The following CXADR variants were observed in gnomAD, a reference collection of about 807,000 sequenced individuals.
CXADR encodes coxsackievirus and adenovirus receptor.
In CXADR, 20 loss-of-function variants were observed where a neutral mutation model predicts 40.3. That is an observed-to-expected ratio of 0.50 (90% CI 0.35 to 0.72). CXADR has a LOEUF of 0.72. Among genes scored for constraint, CXADR ranks in the 30% least tolerant of loss-of-function variants. CXADR has a pLI of 0.01. For missense variants in CXADR, 332 were observed against 449.1 expected, an observed-to-expected ratio of 0.74 and a Z score of 2.36; for synonymous variants, 150 against 161.3, an observed-to-expected ratio of 0.93 and a Z score of 0.53.
intron 3 of CXADR, among the ~76,000 whole-genome samples, chr21:17,553,967 C>T (rs2061002566): frequency 6.6e-6 from 1 of 152,198 alleles, no homozygotes; most frequent in African/African-American, 2.4e-5. Flanking sequence ...GATTATAACC[C>T]TGACTATACT....
chr21:17,602,869 ATT>A, the CXADR span, among the ~76,000 whole-genome samples: 3 of 152,340 alleles, frequency 2.0e-5, no homozygotes, highest in Admixed American at 6.5e-5. Flanking sequence ...TGTTTATATA[ATT>A]ATGTAACTTG....
At chr21:17,517,734 A>G (rs116522544) in intron 1 of CXADR, among the ~76,000 whole-genome samples, 5,040 of 152,266 alleles carry the variant, frequency 0.033, 292 homozygotes, top group African/African-American at 0.11. Context: ...AAAAGGTGGG[A>G]TTAGGCACTC....
At chr21:17,563,353 G>C (rs112661495) in intron 6 of CXADR, among the ~76,000 whole-genome samples, 2,083 of 152,114 alleles carry the variant, frequency 0.014, 44 homozygotes, top group African/African-American at 0.045. Flanking sequence ...GGTCATTGTA[G>C]GGTTATTAAG....
the CXADR span, among the ~76,000 whole-genome samples, chr21:17,608,493 T>C: frequency 6.6e-6 from 1 of 152,074 alleles, no homozygotes; most frequent in South Asian, 2.1e-4. Context: ...AATATATAAA[T>C]GAGATTATTC....
the CXADR span, among the ~76,000 whole-genome samples, chr21:17,617,609 T>A: frequency 6.6e-6 from 1 of 152,254 alleles, no homozygotes; most frequent in African/African-American, 2.4e-5. Flanking sequence ...ATGTTTACAC[T>A]ATTTGTAGTC....
downstream of CXADR, chr21:17,593,995 AACT>A: frequency 7.1e-7 from 1 of 1,408,980 alleles, no homozygotes; most frequent in Non-Finnish European, 9.5e-7. Flanking sequence ...TGGCCCATCT[AACT>A]TCACTACTAT....
rs866773070 is a variant in CXADR, at chr21:17,528,074, T to C, written c.43+14902T>C. ...TCCTTATGCTTAGTTCTTTCTTTTT[T>C]TTTTTTTTTTTTTTTTTGAGACAGA... On this transcript the variant is annotated intron_variant, in intron 1 of 6. Coordinates refer to ENST00000284878, the MANE Select transcript of CXADR (RefSeq NM_001338.5). 5.3e-3 allele frequency among the ~76,000 whole-genome samples: 715 copies of C among 135,814 alleles called. 22 individuals are homozygous for C. In the East Asian group the frequency reaches 0.1, roughly 19 times the overall value. 89.1% of individuals were successfully genotyped at this position (135,814 alleles called of 152,430 possible).
intron 1 of CXADR, among the ~76,000 whole-genome samples, chr21:17,522,877 C>T (rs1376873306): frequency 6.6e-6 from 1 of 152,210 alleles, no homozygotes; most frequent in East Asian, 1.9e-4. Flanking sequence ...ACACACTTCC[C>T]ACAGGCATCT....
intron 3 of CXADR, among the ~76,000 whole-genome samples, chr21:17,556,510 A>G (rs370278069): frequency 7.2e-5 from 11 of 152,216 alleles, no homozygotes; most frequent in African/African-American, 2.7e-4. Flanking sequence ...TTAGAATACC[A>G]TATTACCCAT....
the CXADR span, chr21:17,604,236 T>C: frequency 7.3e-6 from 4 of 546,574 alleles, no homozygotes; most frequent in Admixed American, 4.2e-5. Flanking sequence ...AGGTCAGGAG[T>C]TTGAGAGCAG....
At chr21:17,611,224 A>G in the CXADR span, among the ~76,000 whole-genome samples, 1 of 152,198 alleles carries the variant, frequency 6.6e-6, no homozygotes, top group Non-Finnish European at 1.5e-5. Flanking sequence ...CGGGTTGGGA[A>G]GAAAGTTTTG....
downstream of CXADR, among the ~76,000 whole-genome samples, chr21:17,570,341 C>T (rs1569144964): frequency 6.6e-6 from 1 of 152,144 alleles, no homozygotes; most frequent in Non-Finnish European, 1.5e-5. Flanking sequence ...GGGGTTGAAA[C>T]CTCCAACGTT....
chr21:17,552,190 A>G (rs1485032483), intron 3 of CXADR, among the ~76,000 whole-genome samples: 1 of 152,240 alleles, frequency 6.6e-6, no homozygotes, highest in African/African-American at 2.4e-5. Context: ...AAAATAAGTG[A>G]ACGAGTATTA....
Position 17,567,163 on chromosome 21 carries a change from C to A in CXADR, c.*1471C>A. The A allele has an allele frequency of 1.0e-6, 1 of 984,768 alleles. No homozygotes were observed. Among genetic ancestry groups the A allele is most frequent in the African/African-American group, 1.7e-5 (1 of 57,310 alleles). The allele number at this position is 984,768 out of a possible 1,614,324, so 61.0% of individuals were successfully genotyped here. On this transcript the variant is annotated 3_prime_UTR_variant, in exon 7 of 7. Coordinates refer to ENST00000284878, the MANE Select transcript of CXADR (RefSeq NM_001338.5). ...TAAATTATTTCACTAGCTCTAAAAC[C>A]TTTCCCTAGATTTTAGTAGGGAGTT...
intron 2 of CXADR, 113 bp downstream of exon 2, chr21:17,547,306 C>G (rs2123248595): frequency 6.9e-7 from 1 of 1,449,110 alleles, no homozygotes; most frequent in Non-Finnish European, 9.3e-7. Context: ...GGAAGCCCCC[C>G]AACTTCTCAG....
At chr21:17,539,125 G>A (rs1306993428) in intron 1 of CXADR, among the ~76,000 whole-genome samples, 1 of 152,140 alleles carries the variant, frequency 6.6e-6, no homozygotes, top group African/African-American at 2.4e-5. Flanking sequence ...GGGATTGATT[G>A]CCAAAAGTGT....
chr21:17,612,418 C>T, the CXADR span: 1 of 152,216 alleles, frequency 6.6e-6, no homozygotes, highest in African/African-American at 2.4e-5. Flanking sequence ...GAATGTAACG[C>T]GCTGTGGGAA....
intron 1 of CXADR, among the ~76,000 whole-genome samples, chr21:17,526,741 T>C (rs1237464044): frequency 6.6e-6 from 1 of 152,226 alleles, no homozygotes; most frequent in Non-Finnish European, 1.5e-5. Context: ...TATTTGCTCA[T>C]TTTGCTAATA....
chr21:17,523,369 G>GA (rs1014431396), intron 1 of CXADR, among the ~76,000 whole-genome samples: 4 of 152,206 alleles, frequency 2.6e-5, no homozygotes, highest in Non-Finnish European at 4.4e-5. Flanking sequence ...TGAAGATCAA[G>GA]AATAGGTACC....
Sources: gnomAD v4.1 joint callset for allele counts (sites outside exome capture counted in the v4.1 genomes callset) on GRCh38, gnomAD v4.1.1 for gene constraint, MANE v1.5 for transcripts, NCBI Gene and HGNC (gene_info 2026-07-23, HGNC 2026-07-21) for gene names.